Variants in PTPRD observed in about 807,000 individuals in gnomAD.
PTPRD encodes the protein protein tyrosine phosphatase receptor type D, also known as receptor-type tyrosine-protein phosphatase delta.
A neutral mutation model predicts 214.5 loss-of-function variants in PTPRD; 34 were observed. The observed-to-expected ratio is 0.16, with a 90% confidence interval of 0.12 to 0.21. PTPRD has a LOEUF of 0.21. Among genes scored for constraint, PTPRD ranks in the 10% least tolerant of loss-of-function variants. The pLI, the probability that PTPRD is intolerant of heterozygous loss-of-function variation, is 1.00. For missense variants in PTPRD, 2,545 were observed against 2,398.7 expected, an observed-to-expected ratio of 1.06 and a Z score of -1.27; for synonymous variants, 1,128 against 845.7, an observed-to-expected ratio of 1.33 and a Z score of -5.79.
intron 39 of PTPRD, among the ~76,000 whole-genome samples, chr9:8,348,915 G>C (rs2074621097): frequency 6.6e-6 from 1 of 151,932 alleles, no homozygotes; most frequent in Non-Finnish European, 1.5e-5. Context: ...CTTTAGTTTT[G>C]TTTTCTGGTT....
intron 2 of PTPRD, among the ~76,000 whole-genome samples, chr9:10,430,433 T>A (rs1031033115): frequency 2.6e-5 from 4 of 151,952 alleles, no homozygotes; most frequent in Non-Finnish European, 5.9e-5. Context: ...GATAGATAGA[T>A]ACGTATGTAT....
At chr9:9,079,059 TA>T (rs757967072) in intron 10 of PTPRD, among the ~76,000 whole-genome samples, 1 of 152,084 alleles carries the variant, frequency 6.6e-6, no homozygotes, top group Non-Finnish European at 1.5e-5. Flanking sequence ...TTTGTGTTGG[TA>T]ATGTTCAGTA....
At chr9:9,872,865 A>C (rs1453062898) in intron 5 of PTPRD, among the ~76,000 whole-genome samples, 1 of 152,126 alleles carries the variant, frequency 6.6e-6, no homozygotes, top group East Asian at 1.9e-4. Flanking sequence ...TTAATCAGCT[A>C]AGTAGAAGAC....
chr9:10,597,394 G>A (rs922495971), intron 2 of PTPRD, among the ~76,000 whole-genome samples: 1 of 151,610 alleles, frequency 6.6e-6, no homozygotes, highest in Non-Finnish European at 1.5e-5. Flanking sequence ...CACTGTCAGG[G>A]TTTCATTCTT....
At chr9:9,759,378 A>G (rs962204883) in intron 6 of PTPRD, among the ~76,000 whole-genome samples, 1 of 152,250 alleles carries the variant, frequency 6.6e-6, no homozygotes, top group African/African-American at 2.4e-5. Context: ...CCCACAACCC[A>G]GTAATTAAAG....
chr9:9,235,486 C>T (rs4742576), intron 9 of PTPRD, among the ~76,000 whole-genome samples: 113,844 of 152,022 alleles, frequency 0.75, 42,927 homozygotes, highest in Non-Finnish European at 0.77. Flanking sequence ...TGTCTTTCAG[C>T]CTTCATTCTG....
At chr9:9,728,416 C>G (rs755942301) in intron 7 of PTPRD, among the ~76,000 whole-genome samples, 1 of 151,920 alleles carries the variant, frequency 6.6e-6, no homozygotes, top group Non-Finnish European at 1.5e-5. Flanking sequence ...ATCTCTAGTC[C>G]TATGTGTGAA....
chr9:9,418,965 G>A (rs1351302187), intron 8 of PTPRD, among the ~76,000 whole-genome samples: 1 of 151,662 alleles, frequency 6.6e-6, no homozygotes, highest in African/African-American at 2.4e-5. Context: ...AGTGGAGAAG[G>A]AAACGACTTT....
chr9:8,442,880 T>C (rs949357365), intron 34 of PTPRD, among the ~76,000 whole-genome samples: 1 of 151,830 alleles, frequency 6.6e-6, no homozygotes, highest in African/African-American at 2.4e-5. Flanking sequence ...AGTGCTTTTC[T>C]GGGTAAGCAA....
At chr9:8,922,664 C>T (rs907964711) in intron 11 of PTPRD, among the ~76,000 whole-genome samples, 6 of 152,078 alleles carry the variant, frequency 3.9e-5, no homozygotes, top group African/African-American at 9.7e-5. Flanking sequence ...GACAGAGTCT[C>T]GCTCTGTCCC....
chr9:10,038,375 C>A (rs1431511569), intron 3 of PTPRD, among the ~76,000 whole-genome samples: 2 of 151,976 alleles, frequency 1.3e-5, no homozygotes, highest in African/African-American at 4.8e-5. Context: ...CATCAGTATC[C>A]CAAAGACACC....
intron 12 of PTPRD, among the ~76,000 whole-genome samples, chr9:8,709,073 T>C (rs1389670215): frequency 1.3e-5 from 2 of 152,032 alleles, no homozygotes; most frequent in South Asian, 2.1e-4. Context: ...GAAAGTGGAA[T>C]AGTGGCTATC....
In PTPRD at chr9:8,838,247, T is replaced by TA. The variant is rs150807119; in HGVS notation, c.-103-104302dup. Among the ~76,000 whole-genome samples the TA allele has an allele frequency of 2.8e-3, 415 of 147,394 alleles. 4 individuals are homozygous for TA. The highest frequency in any genetic ancestry group is 8.7e-3 in the African/African-American group (348 of 40,132). On this transcript the variant is annotated intron_variant, in intron 11 of 45. Coordinates refer to ENST00000381196, the MANE Select transcript of PTPRD (RefSeq NM_002839.4). ...CTTAAAACACATAACGACTTCAAAT[T>TA]AAAAAAAAAAGAGTACTGCAAATAC...
chr9:10,409,010 G>A (rs1374282329), intron 2 of PTPRD, among the ~76,000 whole-genome samples: 1 of 151,730 alleles, frequency 6.6e-6, no homozygotes, highest in Non-Finnish European at 1.5e-5. Context: ...ATCAGGAATT[G>A]TCAAGCTGCA....
At chr9:10,102,293 G>T (rs1369653158) in intron 3 of PTPRD, among the ~76,000 whole-genome samples, 1 of 151,400 alleles carries the variant, frequency 6.6e-6, no homozygotes, top group African/African-American at 2.4e-5. Context: ...AATACATTCT[G>T]TTGCCTGGGG....
At chr9:8,356,915 A>C (rs1286894533) in intron 39 of PTPRD, among the ~76,000 whole-genome samples, 1 of 152,224 alleles carries the variant, frequency 6.6e-6, no homozygotes, top group Admixed American at 6.5e-5. Flanking sequence ...ATTAAATATA[A>C]TTATATAGAA....
chr9:8,551,554 G>C (rs79230291), intron 14 of PTPRD, among the ~76,000 whole-genome samples: 10,251 of 152,182 alleles, frequency 0.067, 398 homozygotes, highest in Middle Eastern at 0.15. Flanking sequence ...GGATGCAAGA[G>C]TGATACAATT....
At chr9:9,180,480 G>T (rs1210631639) in intron 10 of PTPRD, among the ~76,000 whole-genome samples, 1 of 149,840 alleles carries the variant, frequency 6.7e-6, no homozygotes, top group Non-Finnish European at 1.5e-5. Flanking sequence ...ATAGCATTAG[G>T]AGATATACCT....
At chr9:9,719,421 G>A (rs1160554956) in intron 7 of PTPRD, among the ~76,000 whole-genome samples, 2 of 152,158 alleles carry the variant, frequency 1.3e-5, no homozygotes, top group East Asian at 3.9e-4. Context: ...CTGGACCACA[G>A]GATTGAAGAG....
Sources: gnomAD v4.1 joint callset for allele counts (sites outside exome capture counted in the v4.1 genomes callset) on GRCh38, gnomAD v4.1.1 for gene constraint, MANE v1.5 for transcripts, NCBI Gene and HGNC (gene_info 2026-07-23, HGNC 2026-07-21) for gene names.